The following ANKS1A variants were observed in gnomAD, a reference collection of about 807,000 sequenced individuals.
ANKS1A encodes ankyrin repeat and sterile alpha motif domain containing 1A.
A neutral mutation model predicts 120.3 loss-of-function variants in ANKS1A; 55 were observed. The observed-to-expected ratio is 0.46, with a 90% confidence interval of 0.37 to 0.57. The LOEUF (loss-of-function observed/expected upper bound fraction) is 0.57. Among genes scored for constraint, ANKS1A ranks in the 20% least tolerant of loss-of-function variants. The probability of loss-of-function intolerance (pLI) is 0.00; values close to 1 mark genes in which losing one functional copy is unlikely to be tolerated. For missense variants in ANKS1A, 1,123 were observed against 1,480.3 expected, an observed-to-expected ratio of 0.76 and a Z score of 3.96; for synonymous variants, 590 against 604.7, an observed-to-expected ratio of 0.98 and a Z score of 0.36.
intron 10 of ANKS1A, among the ~76,000 whole-genome samples, chr6:35,013,973 G>A (rs1293077510): frequency 1.3e-5 from 2 of 152,180 alleles, no homozygotes. Context: ...GCTAGACACG[G>A]TTCTTAATGC....
chr6:35,017,755 T>A lies in ANKS1A; in HGVS notation c.1706T>A (p.Leu569His). The A allele has an allele frequency of 6.2e-7, 1 of 1,614,072 alleles. No homozygotes were observed. Among genetic ancestry groups the A allele is most frequent in the Non-Finnish European group, 8.5e-7 (1 of 1,180,014 alleles). Residue 569 changes from leucine to histidine, a missense_variant, in exon 11 of 24, where the codon CTC becomes CAC. Leu to His is a moderately conservative substitution (Grantham distance 99). Coordinates refer to ENST00000360359, the MANE Select transcript of ANKS1A (RefSeq NM_015245.3). ...ALDQSKRVGY[L>H]TGLPTTNSRS... ...GACCAGAGCAAGAGAGTGGGCTACC[T>A]CACAGGCCTGCCCACCACCAACAGC... is the stretch of plus-strand genomic sequence containing the variant.
chr6:35,062,250 G>A (rs900401311), intron 13 of ANKS1A, among the ~76,000 whole-genome samples: 1 of 152,210 alleles, frequency 6.6e-6, no homozygotes, highest in East Asian at 1.9e-4. Context: ...AAGGAACGTC[G>A]AGCACCCCTC....
chr6:34,920,879 C>T (rs1260744467), intron 1 of ANKS1A, among the ~76,000 whole-genome samples: 1 of 152,138 alleles, frequency 6.6e-6, no homozygotes, highest in Non-Finnish European at 1.5e-5. Context: ...AGCTGCTGTC[C>T]CAGGGCCTTA....
downstream of ANKS1A, among the ~76,000 whole-genome samples, chr6:35,092,136 AGGGCCCAGGGCCTCTATTCATAAAGCG>A (rs1430312276): frequency 6.6e-6 from 1 of 152,164 alleles, no homozygotes; most frequent in African/African-American, 2.4e-5. Context: ...TTCATAAAGC[AGGGCCCAGGGCCTCTATTCATAAAGCG>A]GGAGGGACCT....
Position 35,060,841 on chromosome 6 carries a change from G to A in ANKS1A, c.2184+588G>A, listed in dbSNP as rs528061655. ...AAAGAGAAACCAGGGTGTTTCCTCT[G>A]GATCCCTGCAGAATAGGGACCCATT... is the stretch of plus-strand genomic sequence containing the variant. On this transcript the variant is annotated intron_variant, in intron 13 of 23. Coordinates refer to ENST00000360359, the MANE Select transcript of ANKS1A (RefSeq NM_015245.3). This position sits in a 1 kb window ranked among gnomAD's most constrained non-coding sequence, Gnocchi z 4.5. Among the ~76,000 whole-genome samples, 1 of 152,328 alleles carries A rather than the reference G, an allele frequency of 6.6e-6. No individual in the cohort carries two copies. The highest frequency in any genetic ancestry group is 2.4e-5 in the African/African-American group (1 of 41,574).
intron 1 of ANKS1A, among the ~76,000 whole-genome samples, chr6:34,918,219 A>C (rs1406715871): frequency 2.0e-5 from 3 of 152,178 alleles, no homozygotes; most frequent in African/African-American, 7.2e-5. Flanking sequence ...TCCATTTTGA[A>C]GGTAGGTGTG....
At chr6:35,092,823 C>A (rs913621033), downstream of ANKS1A, among the ~76,000 whole-genome samples, 1 of 152,214 alleles carries the variant, frequency 6.6e-6, no homozygotes. Flanking sequence ...TCCACATCCT[C>A]ATGAGCCTCC....
Position 35,058,661 on chromosome 6 carries a change from T to TCA in ANKS1A, c.2078-1485_2078-1484dup, listed in dbSNP as rs1776331202. The stretch of plus-strand genomic sequence containing the variant: ...GAACGGCAGAATGACTTTCACCGTG[T>TCA]CAGGAGTTCACTGGAGGTGATGTGT... On this transcript the variant is annotated intron_variant, in intron 12 of 23. Transcript: ENST00000360359. The surrounding 1 kb of genome is among the most constrained non-coding windows in gnomAD (Gnocchi z 5.1). 2 of 152,290 alleles carry TCA rather than the reference T, an allele frequency of 1.3e-5. No individual in the cohort carries two copies. Among genetic ancestry groups the TCA allele is most frequent in the South Asian group, 4.1e-4 (2 of 4,836 alleles). The allele number at this position is 152,290 out of a possible 1,614,324, so 9.4% of individuals were successfully genotyped here. A position where few individuals can be genotyped will look rare whatever the true frequency, so the allele number is the denominator to read the frequency against.
At chr6:35,034,283 G>T (rs1463212459) in intron 11 of ANKS1A, among the ~76,000 whole-genome samples, 1 of 152,166 alleles carries the variant, frequency 6.6e-6, no homozygotes, top group African/African-American at 2.4e-5. Context: ...AAGTGTTTTG[G>T]TTCTTTTTCT....
intron 3 of ANKS1A, among the ~76,000 whole-genome samples, chr6:34,976,880 T>G (rs563196139): frequency 1.4e-4 from 21 of 152,274 alleles, no homozygotes; most frequent in South Asian, 8.3e-4. Context: ...ACACTTCCAT[T>G]TTGGTATTAG....
chr6:35,089,643 A>C lies in ANKS1A; in HGVS notation c.*1034A>C. On this transcript the variant is annotated 3_prime_UTR_variant, in exon 24 of 24. Transcript: ENST00000360359. ...CCCCCGGTGTGGAAAAGGCTAAATA[A>C]GGTGACAGTGCATCGATGCTCCCCC... is the stretch of plus-strand genomic sequence containing the variant. The C allele has an allele frequency of 3.0e-6, 3 of 987,718 alleles. No individual in the cohort carries two copies. The highest frequency in any genetic ancestry group is 2.4e-6 in the Non-Finnish European group (2 of 831,238). 61.2% of individuals were successfully genotyped at this position (987,718 alleles called of 1,614,324 possible). A position where few individuals can be genotyped will look rare whatever the true frequency, so the allele number is the denominator to read the frequency against.
At chr6:34,894,387 C>T (rs979590440) in intron 1 of ANKS1A, among the ~76,000 whole-genome samples, 1 of 152,192 alleles carries the variant, frequency 6.6e-6, no homozygotes, top group Non-Finnish European at 1.5e-5. Context: ...CACAGTGGCT[C>T]ACCTCTGTAA....
rs1778136264 is a variant in ANKS1A, at chr6:35,088,754, G to A, written c.*145G>A. The A allele has an allele frequency of 6.3e-7, 1 of 1,576,332 alleles. No individual in the cohort carries two copies. Among genetic ancestry groups the A allele is most frequent in the Non-Finnish European group, 8.6e-7 (1 of 1,164,486 alleles). On this transcript the variant is annotated 3_prime_UTR_variant, in exon 24 of 24. Coordinates refer to ENST00000360359, the MANE Select transcript of ANKS1A (RefSeq NM_015245.3). Reference sequence around the variant, plus strand: ...GGACCTCCTCTTGGCCACTTGGCCTGGGCCTGCCACCACCACGTCCTGCAG... The same window carrying A: ...GGACCTCCTCTTGGCCACTTGGCCTAGGCCTGCCACCACCACGTCCTGCAG...
At chr6:34,939,709 T>C (rs1205116721) in intron 1 of ANKS1A, among the ~76,000 whole-genome samples, 1 of 151,696 alleles carries the variant, frequency 6.6e-6, no homozygotes, top group Non-Finnish European at 1.5e-5. Flanking sequence ...TGAGATCCTG[T>C]CTCTTTCAAA....
chr6:34,988,428 C>T (rs1051796840), intron 8 of ANKS1A, among the ~76,000 whole-genome samples: 3 of 152,122 alleles, frequency 2.0e-5, no homozygotes, highest in Non-Finnish European at 2.9e-5. Flanking sequence ...AACCCTGTCT[C>T]TACTAAAAAT....
In ANKS1A at chr6:35,089,317, A is replaced by T; in HGVS notation, c.*708A>T. ...AAGGTTCAGTGGCCAAATGAAGATA[A>T]GTGTGCAGTTTCTAGTGCTGGGAAG... On this transcript the variant is annotated 3_prime_UTR_variant, in exon 24 of 24. Transcript: ENST00000360359. 1.0e-6 allele frequency: 1 copy of T among 987,634 alleles called. No homozygotes were observed. The highest frequency in any genetic ancestry group is 1.2e-6 in the Non-Finnish European group (1 of 831,228). The allele number at this position is 987,634 out of a possible 1,614,324, so 61.2% of individuals were successfully genotyped here. A position where few individuals can be genotyped will look rare whatever the true frequency, so the allele number is the denominator to read the frequency against.
chr6:35,059,515 G>A (rs1386141524), intron 12 of ANKS1A, among the ~76,000 whole-genome samples: 1 of 152,238 alleles, frequency 6.6e-6, no homozygotes, highest in Admixed American at 6.5e-5. Flanking sequence ...TGCTGCTTGT[G>A]TTGCATGTGC....
chr6:35,034,734 G>A (rs565017125), intron 11 of ANKS1A, among the ~76,000 whole-genome samples: 7 of 152,206 alleles, frequency 4.6e-5, no homozygotes, highest in Non-Finnish European at 8.8e-5. Context: ...TGCTAGAAAA[G>A]GAAATAAAAC....
chr6:35,008,166 T>C (rs1375298433), intron 10 of ANKS1A, among the ~76,000 whole-genome samples: 1 of 152,214 alleles, frequency 6.6e-6, no homozygotes, highest in African/African-American at 2.4e-5. Flanking sequence ...AACATATCAA[T>C]GAGACAGTTT....
Sources: allele counts gnomAD v4.1 joint callset (sites outside exome capture counted in the v4.1 genomes callset), GRCh38; gene constraint gnomAD v4.1.1; non-coding constraint Gnocchi (gnomAD v3.1); transcripts MANE v1.5; gene names NCBI Gene and HGNC (gene_info 2026-07-23, HGNC 2026-07-21).